The following AKAP12 variants were observed in gnomAD, a reference collection of about 807,000 sequenced individuals.
AKAP12 encodes A-kinase anchor protein 12.
AKAP12 carries 32 observed loss-of-function variants against 79.9 expected under a neutral mutation model. The observed-to-expected ratio is 0.40, with a 90% CI of 0.30 to 0.54. The LOEUF (loss-of-function observed/expected upper bound fraction) is 0.54, where lower values mean the gene tolerates loss of function less well. Ranked by LOEUF, AKAP12 falls within the 20% of genes least tolerant of loss-of-function variation. The pLI is 0.48. For synonymous variants in AKAP12, 808 were observed against 857.0 expected, an observed-to-expected ratio of 0.94 and a Z score of 1.00; for missense variants, 2,074 against 2,177.0, an observed-to-expected ratio of 0.95 and a Z score of 0.94.
intron 3 of AKAP12, chr6:151,325,789 G>C: frequency 6.2e-7 from 1 of 1,612,458 alleles, no homozygotes; most frequent in Non-Finnish European, 8.5e-7. Context: ...TGGCAGGCAG[G>C]AGACTAGGCG....
intron 2 of AKAP12, among the ~76,000 whole-genome samples, chr6:151,249,882 C>T (rs1797142012): frequency 6.6e-6 from 1 of 152,158 alleles, no homozygotes; most frequent in South Asian, 2.1e-4. Flanking sequence ...TCAAGTGTTA[C>T]CCTTGTCTCT....
At chr6:151,324,443 G>T (rs1055916410) in intron 3 of AKAP12, 1 of 985,268 alleles carries the variant, frequency 1.0e-6, no homozygotes, top group Non-Finnish European at 1.2e-6. Context: ...GTGCAACTAC[G>T]TGCCATGCCA....
At chr6:151,353,956 T>C (rs1026839914) in intron 4 of AKAP12, among the ~76,000 whole-genome samples, 1 of 152,212 alleles carries the variant, frequency 6.6e-6, no homozygotes, top group African/African-American at 2.4e-5. Flanking sequence ...ATCGATGTTA[T>C]GAAAAGAACG....
intron 3 of AKAP12, among the ~76,000 whole-genome samples, chr6:151,310,077 A>G (rs115594138): frequency 0.015 from 2,278 of 152,152 alleles, 52 homozygotes; most frequent in African/African-American, 0.051. Context: ...AAACCCAAAC[A>G]AGAGCCTGGG....
At chr6:151,267,025 A>G (rs973548883) in intron 2 of AKAP12, among the ~76,000 whole-genome samples, 1 of 151,152 alleles carries the variant, frequency 6.6e-6, no homozygotes, top group Non-Finnish European at 1.5e-5. Flanking sequence ...AAAAAAAAAA[A>G]AAAAAAAAAA....
Position 151,348,695 on chromosome 6 carries a change from C to CCCCCCCCCCTCT in AKAP12, c.320-14_320-13insCCCCCCCTCTCC. The CCCCCCCCCCTCT allele has an allele frequency of 2.4e-6, 1 of 423,942 alleles. No individual in the cohort carries two copies. The highest frequency in any genetic ancestry group is 4.4e-6 in the Non-Finnish European group (1 of 225,752). The allele number at this position is 423,942 out of a possible 1,614,324, so 26.3% of individuals were successfully genotyped here. A position where few individuals can be genotyped will look rare whatever the true frequency, so the allele number is the denominator to read the frequency against. On this transcript the variant is annotated splice_polypyrimidine_tract_variant and intron_variant, in intron 3 of 4. Transcript: ENST00000402676. ...TTTTCTCTTCTCCCCACCCCCCCGC[C>CCCCCCCCCCTCT]CCTTTTTGTTAATAGTTGGACAGAG... is the stretch of plus-strand genomic sequence containing the variant.
intron 2 of AKAP12, among the ~76,000 whole-genome samples, chr6:151,303,060 G>T (rs1231619896): frequency 6.6e-6 from 1 of 152,146 alleles, no homozygotes; most frequent in Non-Finnish European, 1.5e-5. Flanking sequence ...GGGCGCAGTG[G>T]CAGGCACCTG....
intron 3 of AKAP12, among the ~76,000 whole-genome samples, chr6:151,306,701 A>T (rs1776985849): frequency 6.6e-6 from 1 of 152,186 alleles, no homozygotes; most frequent in African/African-American, 2.4e-5. Context: ...AAACATGTGG[A>T]ACCTGTTTTT....
chr6:151,284,939 G>T (rs1012908113), intron 2 of AKAP12, among the ~76,000 whole-genome samples: 1 of 152,172 alleles, frequency 6.6e-6, no homozygotes, highest in African/African-American at 2.4e-5. Flanking sequence ...TTTGCAAAAT[G>T]ATGAACATTC....
rs190820718 is a variant in AKAP12 at position 151,300,172 on chromosome 6, T to C, written c.163-5575T>C. Among the ~76,000 whole-genome samples, 123 of 152,332 alleles carry C rather than the reference T, an allele frequency of 8.1e-4. 1 individual carries two copies. The highest frequency in any genetic ancestry group is 2.8e-3 in the African/African-American group (118 of 41,594). ...AGAAAACACAATGAAGAGGTTTCTT[T>C]ACAAGTTTTGTCGTGGGATTTAAAA... is the stretch of plus-strand genomic sequence containing the variant. On this transcript the variant is annotated intron_variant, in intron 2 of 4. Coordinates refer to ENST00000402676, the MANE Select transcript of AKAP12 (RefSeq NM_005100.4).
intron 3 of AKAP12, among the ~76,000 whole-genome samples, chr6:151,347,277 C>G (rs983519816): frequency 1.1e-4 from 16 of 152,244 alleles, no homozygotes; most frequent in African/African-American, 3.9e-4. Flanking sequence ...CCAAAGAGCT[C>G]TGGTCCCTTT....
At chr6:151,309,621 A>G (rs1777047786) in intron 3 of AKAP12, among the ~76,000 whole-genome samples, 1 of 152,210 alleles carries the variant, frequency 6.6e-6, no homozygotes, top group Non-Finnish European at 1.5e-5. Flanking sequence ...GAAAGAAGGA[A>G]CCGCATATAA....
chr6:151,305,754 A>G lies in AKAP12; in HGVS notation c.170A>G (p.Gln57Arg), dbSNP rs1444913314. The G allele has an allele frequency of 6.2e-7, 1 of 1,610,584 alleles. No individual in the cohort carries two copies. The highest frequency in any genetic ancestry group is 8.5e-7 in the Non-Finnish European group (1 of 1,178,748). ...GCTTTGTCTTTTCCATAGCTCCTAC[A>G]GAAGAATGGTCAGCTGTCCACCATC... Reference protein sequence around the residue: ...AASDPATKLLQKNGQLSTING... With the variant: ...AASDPATKLLRKNGQLSTING... Residue 57 changes from glutamine (Q) to arginine (R), a missense_variant, in exon 3 of 5, where the codon CAG becomes CGG. Coordinates refer to ENST00000402676, the MANE Select transcript of AKAP12 (RefSeq NM_005100.4).
At chr6:151,355,064 C>G (rs1582906470) in intron 4 of AKAP12, among the ~76,000 whole-genome samples, 1 of 152,056 alleles carries the variant, frequency 6.6e-6, no homozygotes, top group Non-Finnish European at 1.5e-5. Flanking sequence ...GGCGCAATCT[C>G]AGCTCACTGC....
intron 3 of AKAP12, among the ~76,000 whole-genome samples, chr6:151,345,249 G>A (rs1031393987): frequency 4.0e-5 from 6 of 151,174 alleles, no homozygotes; most frequent in Admixed American, 2.6e-4. Flanking sequence ...CTAATTTTTT[G>A]TATTTTTAGT....
At chr6:151,283,113 A>C (rs1776439911) in intron 2 of AKAP12, among the ~76,000 whole-genome samples, 1 of 152,232 alleles carries the variant, frequency 6.6e-6, no homozygotes, top group Non-Finnish European at 1.5e-5. Context: ...GCTCCATTTA[A>C]TGACGGTGAG....
At chr6:151,241,261 C>T (rs574275723) in intron 2 of AKAP12, among the ~76,000 whole-genome samples, 6 of 152,368 alleles carry the variant, frequency 3.9e-5, no homozygotes, top group East Asian at 3.9e-4. Context: ...CCCAGTCCTC[C>T]TGCGGCAGCG....
intron 2 of AKAP12, among the ~76,000 whole-genome samples, chr6:151,304,864 G>T (rs993033419): frequency 1.3e-5 from 2 of 151,546 alleles, no homozygotes; most frequent in Non-Finnish European, 2.9e-5. Context: ...GAGCCACCAC[G>T]CCCGGCCATG....
intron 3 of AKAP12, among the ~76,000 whole-genome samples, chr6:151,321,905 T>TGTTGTTTTTTG (rs758262200): frequency 0.18 from 22,485 of 128,400 alleles, 2,036 homozygotes; most frequent in Admixed American, 0.23. Context: ...AGCTTTATGT[T>TGTTGTTTTTTG]TTTTTTTTTT....
Sources: gnomAD v4.1 joint callset for allele counts (sites outside exome capture counted in the v4.1 genomes callset) on GRCh38, gnomAD v4.1.1 for gene constraint, MANE v1.5 for transcripts, NCBI Gene and HGNC (gene_info 2026-07-23, HGNC 2026-07-21) for gene names.